Variants in MARCHF8 observed in about 807,000 individuals in gnomAD.
The protein encoded by MARCHF8 is membrane associated ring-CH-type finger 8.
A neutral mutation model predicts 51.6 loss-of-function variants in MARCHF8; 40 were observed. The observed-to-expected ratio is 0.77, with a 90% CI of 0.60 to 1.01. The LOEUF is 1.01. Ranked by LOEUF, MARCHF8 falls within the 50% of genes least tolerant of loss-of-function variation. The pLI is 0.00. For synonymous variants in MARCHF8, 263 were observed against 280.3 expected (o/e 0.94, Z 0.62); for missense variants, 685 against 708.6 (o/e 0.97, Z 0.38).
At chr10:45,552,865 T>C (rs2044210806) in intron 1 of MARCHF8, among the ~76,000 whole-genome samples, 1 of 152,226 alleles carries the variant, frequency 6.6e-6, no homozygotes, top group Non-Finnish European at 1.5e-5. Flanking sequence ...TCAGTTGTAC[T>C]CATTCTGCAA....
intron 1 of MARCHF8, among the ~76,000 whole-genome samples, chr10:45,549,597 G>A (rs1245546945): frequency 6.6e-6 from 1 of 152,186 alleles, no homozygotes; most frequent in Non-Finnish European, 1.5e-5. Context: ...TGGGTCCTGT[G>A]GTTTGAATGT....
At chr10:45,533,907 G>C (rs2043931069) in intron 1 of MARCHF8, among the ~76,000 whole-genome samples, 1 of 152,228 alleles carries the variant, frequency 6.6e-6, no homozygotes, top group South Asian at 2.1e-4. Context: ...AAATGGGCCG[G>C]GTGCGGTGGC....
chr10:45,526,860 C>T (rs1379030010), intron 2 of MARCHF8, among the ~76,000 whole-genome samples: 2 of 152,134 alleles, frequency 1.3e-5, no homozygotes, highest in African/African-American at 4.8e-5. Context: ...CCAAGACAGA[C>T]CTTATCTTAA....
At chr10:45,544,170 G>C (rs376642109) in intron 1 of MARCHF8, among the ~76,000 whole-genome samples, 1 of 152,106 alleles carries the variant, frequency 6.6e-6, no homozygotes, top group East Asian at 1.9e-4. Context: ...ACCCCCACTA[G>C]AATGGCTACA....
intron 1 of MARCHF8, among the ~76,000 whole-genome samples, chr10:45,580,788 C>A (rs75820736): frequency 0.062 from 9,375 of 152,218 alleles, 328 homozygotes; most frequent in Non-Finnish European, 0.066. Context: ...GTATTGTGCG[C>A]TAGGACCACC....
chr10:45,505,729 T>G lies in MARCHF8; in HGVS notation c.103-16312A>C, dbSNP rs1049508247. Among the ~76,000 whole-genome samples, 87 of 152,262 alleles carry G rather than the reference T, an allele frequency of 5.7e-4. 4 individuals are homozygous for G. The highest frequency in any genetic ancestry group is 5.6e-3 in the Admixed American group (86 of 15,288). On this transcript the variant is annotated intron_variant, in intron 2 of 7. Transcript: ENST00000453424. ...TCGGTTTTATGGTCTGGCCATTTTA[T>G]AAAAATCTCTAATCTTTGTGAATGG...
At chr10:45,460,580 G>A (rs1343709455) in intron 6 of MARCHF8, among the ~76,000 whole-genome samples, 1 of 152,196 alleles carries the variant, frequency 6.6e-6, no homozygotes, top group Admixed American at 6.5e-5. Context: ...AAAACCTTTT[G>A]TGCTGGGCAT....
intron 2 of MARCHF8, among the ~76,000 whole-genome samples, chr10:45,520,086 A>G (rs2133232216): frequency 6.6e-6 from 1 of 152,200 alleles, no homozygotes; most frequent in African/African-American, 2.4e-5. Flanking sequence ...CACATACCCA[A>G]CCTTTTTGAT....
chr10:45,472,515 T>C (rs911137602), intron 3 of MARCHF8, among the ~76,000 whole-genome samples: 4 of 152,186 alleles, frequency 2.6e-5, no homozygotes, highest in Non-Finnish European at 4.4e-5. Flanking sequence ...ACGGGTTCCA[T>C]CTCTCCATCT....
chr10:45,517,766 T>A (rs1189294055), intron 2 of MARCHF8, among the ~76,000 whole-genome samples: 1 of 152,212 alleles, frequency 6.6e-6, no homozygotes, highest in Non-Finnish European at 1.5e-5. Flanking sequence ...GACTCTGGAA[T>A]ACAGTGCCCT....
chr10:45,503,937 A>C (rs935541716), intron 2 of MARCHF8, among the ~76,000 whole-genome samples: 1 of 152,226 alleles, frequency 6.6e-6, no homozygotes, highest in African/African-American at 2.4e-5. Context: ...CCACAAAGAC[A>C]AAAAGTAAAT....
rs142477998 is a variant in MARCHF8, at chr10:45,473,418, C to T, written c.154-9091G>A. 5.9e-5 allele frequency among the ~76,000 whole-genome samples: 9 copies of T among 152,360 alleles called. No homozygotes were observed. In the East Asian group the frequency reaches 1.7e-3, roughly 29 times the overall value. On this transcript the variant is annotated intron_variant, in intron 3 of 7. Coordinates refer to ENST00000453424, the MANE Select transcript of MARCHF8 (RefSeq NM_001282866.2). ...GCTAGGGGGCTGGCAGAGAGATACT[C>T]GTGCTACGGGCTTCCACTGCCTTCT...
At chr10:45,512,022 T>C (rs11239543) in intron 2 of MARCHF8, among the ~76,000 whole-genome samples, 47,521 of 135,728 alleles carry the variant, frequency 0.35, 7,710 homozygotes, top group Admixed American at 0.4. Flanking sequence ...TTCCCGGCCG[T>C]CATCCCATCT....
At chr10:45,483,571 C>T (rs944622037) in intron 3 of MARCHF8, among the ~76,000 whole-genome samples, 2 of 152,140 alleles carry the variant, frequency 1.3e-5, no homozygotes, top group African/African-American at 4.8e-5. Flanking sequence ...CAGAGTATTT[C>T]CCCAGAGGAA....
chr10:45,526,886 T>G (rs2133255846), intron 2 of MARCHF8, among the ~76,000 whole-genome samples: 1 of 152,330 alleles, frequency 6.6e-6, no homozygotes, highest in South Asian at 2.1e-4. Context: ...GAAGCAAGTC[T>G]CAATAAATTT....
At chr10:45,540,029 C>T (rs2044028277), upstream of MARCHF8, among the ~76,000 whole-genome samples, 1 of 152,176 alleles carries the variant, frequency 6.6e-6, no homozygotes, top group South Asian at 2.1e-4. Context: ...CTACAAACCA[C>T]TGCTCAATGA....
intron 1 of MARCHF8, among the ~76,000 whole-genome samples, chr10:45,577,138 T>C (rs934795629): frequency 6.6e-6 from 1 of 152,088 alleles, no homozygotes; most frequent in South Asian, 2.1e-4. Context: ...AAACATCACA[T>C]GTTCTCACTT....
At chr10:45,521,948 T>C (rs1288580836) in intron 2 of MARCHF8, among the ~76,000 whole-genome samples, 5 of 152,204 alleles carry the variant, frequency 3.3e-5, no homozygotes, top group Admixed American at 2.6e-4. Flanking sequence ...ATCTAATATA[T>C]AGAAAATATT....
chr10:45,536,870 A>ATAATAATAATAG (rs1554817153), upstream of MARCHF8, among the ~76,000 whole-genome samples: 693 of 147,908 alleles, frequency 4.7e-3, 7 homozygotes, highest in African/African-American at 0.014. Context: ...AATAATAATA[A>ATAATAATAATAG]TAATAATAAT....
Sources: gnomAD v4.1 joint callset for allele counts (sites outside exome capture counted in the v4.1 genomes callset) on GRCh38, gnomAD v4.1.1 for gene constraint, MANE v1.5 for transcripts, NCBI Gene and HGNC (gene_info 2026-07-23, HGNC 2026-07-21) for gene names.